GSE1: variants seen among roughly 807,000 people sequenced by gnomAD.
GSE1 encodes the protein genetic suppressor element 1.
In GSE1, 32 loss-of-function variants were observed where a neutral mutation model predicts 112.6. The observed-to-expected ratio is 0.28, with a 90% CI of 0.21 to 0.38. The LOEUF is 0.38. Ranked by LOEUF, GSE1 falls within the 10% of genes least tolerant of loss-of-function variation. The pLI, the probability that GSE1 is intolerant of heterozygous loss-of-function variation, is 1.00. For synonymous variants in GSE1, 1,115 were observed against 735.6 expected (o/e 1.52, Z -8.35); for missense variants, 2,348 against 1,699.2 (o/e 1.38, Z -6.71).
chr16:85,181,676 G>C (rs766471822), intron 1 of GSE1, among the ~76,000 whole-genome samples: 1 of 152,232 alleles, frequency 6.6e-6, no homozygotes, highest in Non-Finnish European at 1.5e-5. Context: ...TAGGAGGCTT[G>C]TGTGGGGGAG....
intron 1 of GSE1, among the ~76,000 whole-genome samples, chr16:85,265,125 G>T (rs568788535): frequency 6.6e-6 from 1 of 152,358 alleles, no homozygotes; most frequent in African/African-American, 2.4e-5. Flanking sequence ...GCATTGGTGA[G>T]TTGGGAGAGT....
rs561020183 is a variant in GSE1 at position 85,649,584 on chromosome 16, G to A, written c.426+833G>A. ...AGCTGGCACTGGGAGCTGCTCTTCT[G>A]CCGCTGCCTGGGGCCTGTGCGCCCT... On this transcript the variant is annotated intron_variant, in intron 3 of 15. Transcript: ENST00000253458. Among the ~76,000 whole-genome samples the A allele has an allele frequency of 5.9e-4, 90 of 152,262 alleles. 1 individual carries two copies. The highest frequency in any genetic ancestry group is 2.1e-3 in the African/African-American group (89 of 41,550).
At chr16:85,389,871 G>A (rs1485979986) in intron 2 of GSE1, among the ~76,000 whole-genome samples, 5 of 152,222 alleles carry the variant, frequency 3.3e-5, no homozygotes, top group Non-Finnish European at 7.3e-5. Flanking sequence ...GCAAACAGCT[G>A]CATGGCAGGT....
At chr16:85,501,227 C>T (rs1481306434) in intron 2 of GSE1, among the ~76,000 whole-genome samples, 2 of 151,912 alleles carry the variant, frequency 1.3e-5, no homozygotes, top group Non-Finnish European at 2.9e-5. Context: ...TAGTCTCAAT[C>T]TCCTGACCTC....
intron 1 of GSE1, among the ~76,000 whole-genome samples, chr16:85,343,037 G>C (rs145737430): frequency 5.3e-4 from 81 of 152,104 alleles, no homozygotes; most frequent in African/African-American, 1.9e-3. Flanking sequence ...GGTGCAGAGG[G>C]AGCAGCTGAG....
chr16:85,617,769 C>A (rs992942720), intron 1 of GSE1, among the ~76,000 whole-genome samples: 21 of 152,082 alleles, frequency 1.4e-4, no homozygotes, highest in Admixed American at 1.4e-3. Context: ...GTAGGAATTC[C>A]TTCTCCTGGG....
intron 1 of GSE1, among the ~76,000 whole-genome samples, chr16:85,590,810 C>T (rs2046972639): frequency 6.6e-6 from 1 of 152,236 alleles, no homozygotes; most frequent in African/African-American, 2.4e-5. Flanking sequence ...CTGTGACCCT[C>T]CGCAGCTCAC....
intron 1 of GSE1, among the ~76,000 whole-genome samples, chr16:85,192,280 C>G (rs972023871): frequency 6.6e-6 from 1 of 152,200 alleles, no homozygotes; most frequent in Non-Finnish European, 1.5e-5. Context: ...GGGGCTCTAC[C>G]CCTTGCTAGC....
chr16:85,629,208 C>T (rs897974466), intron 1 of GSE1, among the ~76,000 whole-genome samples: 1 of 152,352 alleles, frequency 6.6e-6, no homozygotes, highest in East Asian at 1.9e-4. Flanking sequence ...AAATAAGCCT[C>T]TTTTCTTTAT....
intron 2 of GSE1, among the ~76,000 whole-genome samples, chr16:85,471,523 C>T (rs921309575): frequency 8.6e-5 from 13 of 151,946 alleles, no homozygotes; most frequent in African/African-American, 2.9e-4. Context: ...GATGATCCTC[C>T]TACCTCAGCC....
intron 2 of GSE1, among the ~76,000 whole-genome samples, chr16:85,426,077 A>AAGGATGGATGGATGGAAG (rs1567477111): frequency 3.2e-4 from 6 of 18,946 alleles, no homozygotes; most frequent in Admixed American, 2.0e-3. Context: ...ATGGATGGGT[A>AAGGATGGATGGATGGAAG]GATGGATGGG....
intron 2 of GSE1, among the ~76,000 whole-genome samples, chr16:85,451,428 CTGG>C (rs1414845469): frequency 4.0e-5 from 6 of 151,376 alleles, no homozygotes; most frequent in African/African-American, 1.2e-4. Context: ...GGTGCGTGCG[CTGG>C]TGGTGGTTGG....
chr16:85,342,625 A>G (rs1446807925), intron 1 of GSE1, among the ~76,000 whole-genome samples: 1 of 152,152 alleles, frequency 6.6e-6, no homozygotes, highest in Non-Finnish European at 1.5e-5. Flanking sequence ...TGTGAGGTTC[A>G]AGGCGCACCA....
At chr16:85,214,572 A>G (rs1280252060) in intron 1 of GSE1, among the ~76,000 whole-genome samples, 1 of 151,978 alleles carries the variant, frequency 6.6e-6, no homozygotes, top group African/African-American at 2.4e-5. Context: ...TCCTAACCGA[A>G]CTGCACCGAG....
intron 2 of GSE1, among the ~76,000 whole-genome samples, chr16:85,427,274 G>A (rs971838020): frequency 6.6e-6 from 1 of 152,188 alleles, no homozygotes; most frequent in Admixed American, 6.5e-5. Flanking sequence ...GCACAAATGT[G>A]AGCCACGTGC....
chr16:85,661,646 C>T lies in GSE1; in HGVS notation c.2141C>T (p.Pro714Leu), dbSNP rs933756758. ...CTGAAGCCTGGCTCGCCCTACCGGC[C>T]CCCAGTGCCACGGGCCCCCGACCCT... Reference protein sequence around the residue: ...GPLKPGSPYRPPVPRAPDPAY... With the variant: ...GPLKPGSPYRLPVPRAPDPAY... Residue 714 changes from proline (P) to leucine (L), a missense_variant, in exon 9 of 16, where the codon CCC (proline) becomes CTC (leucine). Pro to Leu is a moderately conservative substitution (Grantham distance 98). Transcript: ENST00000253458. 14 of 1,611,306 alleles carry T rather than the reference C, an allele frequency of 8.7e-6. No homozygotes were observed. The African/African-American group carries it at 1.6e-4, about 18-fold the overall frequency.
chr16:85,598,178 T>G (rs541525358), intron 1 of GSE1, among the ~76,000 whole-genome samples: 7 of 146,872 alleles, frequency 4.8e-5, no homozygotes, highest in East Asian at 3.9e-4. Context: ...TTTTTTTTTT[T>G]TTTTTTTTTT....
At chr16:85,597,668 G>A (rs550146031) in intron 1 of GSE1, among the ~76,000 whole-genome samples, 4 of 152,044 alleles carry the variant, frequency 2.6e-5, no homozygotes, top group South Asian at 2.1e-4. Flanking sequence ...ATGGGGTTTC[G>A]CCATGTTGCC....
At chr16:85,191,623 G>A (rs892011782) in intron 1 of GSE1, among the ~76,000 whole-genome samples, 3 of 152,138 alleles carry the variant, frequency 2.0e-5, no homozygotes, top group Non-Finnish European at 2.9e-5. Context: ...GGAACTCTAC[G>A]TGCCGCTGTG....
Sources: allele counts gnomAD v4.1 joint callset (sites outside exome capture counted in the v4.1 genomes callset), GRCh38; gene constraint gnomAD v4.1.1; transcripts MANE v1.5; gene names NCBI Gene and HGNC (gene_info 2026-07-23, HGNC 2026-07-21).